The following SMG1 variants were observed in gnomAD, a reference collection of about 807,000 sequenced individuals.
SMG1 encodes SMG1 nonsense mediated mRNA decay associated PI3K related kinase.
Under a neutral mutation model 419.9 loss-of-function variants are expected in SMG1, and 22 were observed. The observed-to-expected ratio is 0.05, with a 90% CI of 0.04 to 0.07. The LOEUF (loss-of-function observed/expected upper bound fraction) is 0.07, where lower values mean the gene tolerates loss of function less well. Among genes scored for constraint, SMG1 ranks in the 10% least tolerant of loss-of-function variants. The pLI is 1.00. For missense variants in SMG1, 3,185 were observed against 4,342.0 expected (o/e 0.73, Z 7.49); for synonymous variants, 1,538 against 1,553.5 (o/e 0.99, Z 0.23).
chr16:18,909,771 G>C (rs1407203001), intron 1 of SMG1, among the ~76,000 whole-genome samples: 1 of 152,120 alleles, frequency 6.6e-6, no homozygotes, highest in Non-Finnish European at 1.5e-5. Flanking sequence ...GTAAGAACAG[G>C]AAACGATGCT....
chr16:18,868,434 C>T (rs1195377241), intron 21 of SMG1, 80 bp from the exon 22 acceptor site: 5 of 1,459,820 alleles, frequency 3.4e-6, no homozygotes, highest in African/African-American at 2.8e-5. Context: ...AAACCAAATA[C>T]ACAAGTCTAC....
At chr16:18,864,272 T>C (rs531694143) in intron 23 of SMG1, 128 bp from the exon 24 acceptor site, 195 of 750,094 alleles carry the variant, frequency 2.6e-4, no homozygotes, top group Non-Finnish European at 3.8e-4. Flanking sequence ...CTCAGCTCAA[T>C]GCAACCTCTG....
rs529758661 is a variant in SMG1, at chr16:18,877,232, T to C, written c.1519A>G (p.Ile507Val). ...IISVLNLLTL[I>V]VEQINTKLPS... ...AGTTTCGTATTTATCTGTTCAACAA[T>C]CTAAAAGAATAAAATTTTTAAAAAA... is the stretch of plus-strand genomic sequence containing the variant. The change falls in exon 12 of 63, where the codon ATT becomes GTT. Residue 507 changes from isoleucine to valine, a missense_variant and splice_region_variant. Transcript: ENST00000446231. 1.1e-5 allele frequency: 17 copies of C among 1,522,420 alleles called. No homozygotes were observed. In the South Asian group the frequency reaches 1.9e-4, roughly 17 times the overall value. 94.3% of individuals were successfully genotyped at this position (1,522,420 alleles called of 1,614,324 possible).
rs1260199211 is a variant in SMG1, at chr16:18,835,080, T to C, written c.8142A>G (p.Ala2714=). The C allele has an allele frequency of 6.2e-6, 10 of 1,613,680 alleles. No individual in the cohort carries two copies. Among genetic ancestry groups the C allele is most frequent in the Non-Finnish European group, 8.5e-6 (10 of 1,179,686 alleles). ...TAATAAGTCTGCTGTTGATGTCTGCTGCGTATCGCTGCAGGGTCATTTCAG... is the reference window on the plus strand; with the variant it reads ...TAATAAGTCTGCTGTTGATGTCTGCCGCGTATCGCTGCAGGGTCATTTCAG... The part of the protein sequence containing the change: ...TATEMTLQRY[A]ADINSRLIRQ... The change falls in exon 49 of 63, where the codon GCA becomes GCG. Residue 2714 remains alanine, a synonymous_variant. Coordinates refer to ENST00000446231, the MANE Select transcript of SMG1 (RefSeq NM_015092.5).
At position 18,863,699 on chromosome 16, in the gene SMG1, T is replaced by G. The variant is rs2035331964; in HGVS notation, c.3646A>C (p.Ser1216Arg). The G allele has an allele frequency of 6.3e-7, 1 of 1,594,422 alleles. No individual in the cohort carries two copies. Among genetic ancestry groups the G allele is most frequent in the Non-Finnish European group, 8.5e-7 (1 of 1,177,810 alleles). Residue 1216 changes from serine (S) to arginine (R), a missense_variant, in exon 25 of 63, where the codon AGT becomes CGT. Coordinates refer to ENST00000446231, the MANE Select transcript of SMG1 (RefSeq NM_015092.5). ...WQNAIHDLKK[S>R]TSSTSLNLKA... is the part of the protein sequence containing the mutation. ...AGGTTGAGGGAAGTGCTACTGGTACTCTTTTTCAAGTCATGGATAGCGTTC... is the reference window on the plus strand; with the variant it reads ...AGGTTGAGGGAAGTGCTACTGGTACGCTTTTTCAAGTCATGGATAGCGTTC...
chr16:18,839,904 G>A lies in SMG1; in HGVS notation c.6739C>T (p.Pro2247Ser). Residue 2247 changes from proline (P) to serine (S), a missense_variant, in exon 42 of 63, where the codon CCC becomes TCC. Transcript: ENST00000446231. ...YQTPQNPGIV[P>S]RPSELYYSKI... Reference sequence around the variant, plus strand: ...CTGTAATAAAGTTCACTAGGACGGGGTACAATTCCAGGATTCTGAGGAGTT... The same window carrying A: ...CTGTAATAAAGTTCACTAGGACGGGATACAATTCCAGGATTCTGAGGAGTT... 6.2e-7 allele frequency: 1 copy of A among 1,606,512 alleles called. No homozygotes were observed. Among genetic ancestry groups the A allele is most frequent in the Non-Finnish European group, 8.5e-7 (1 of 1,175,982 alleles).
At chr16:18,922,665 G>A (rs1032299745) in intron 1 of SMG1, among the ~76,000 whole-genome samples, 12 of 152,048 alleles carry the variant, frequency 7.9e-5, no homozygotes, top group African/African-American at 1.2e-4. Context: ...TAGTAGAGAC[G>A]GGGTTTCACC....
At chr16:18,912,802 A>G (rs2037842529) in intron 1 of SMG1, among the ~76,000 whole-genome samples, 2 of 152,150 alleles carry the variant, frequency 1.3e-5, no homozygotes, top group African/African-American at 2.4e-5. Flanking sequence ...AGGTCCTTCA[A>G]AAACAATATA....
chr16:18,821,221 C>CTTTTTTTTTTTTTTTTTTTATTTTTTTT (rs869238782), intron 55 of SMG1, among the ~76,000 whole-genome samples: 1 of 35,600 alleles, frequency 2.8e-5, no homozygotes, highest in South Asian at 8.4e-4. Flanking sequence ...TAGTATGTTT[C>CTTTTTTTTTTTTTTTTTTTATTTTTTTT]TTTTTTTTTT....
chr16:18,885,629 A>C lies in SMG1; in HGVS notation c.860T>G (p.Val287Gly). ...MTSLQSILEN[V>G]DTPELLCKCV... Reference sequence around the variant, plus strand: ...TTTACAAAGCAATTCTGGTGTATCCACATTTTCAAGAATAGACTGCAGGCT... The same window carrying C: ...TTTACAAAGCAATTCTGGTGTATCCCCATTTTCAAGAATAGACTGCAGGCT... Residue 287 changes from valine (V) to glycine (G), a missense_variant, in exon 7 of 63, where the codon GTG becomes GGG. By Grantham distance (109) the Val-to-Gly change is moderately radical. This residue lies in a region of SMG1 where 53 missense variants were observed against 56.3 expected (regional missense o/e 0.94). Coordinates refer to ENST00000446231, the MANE Select transcript of SMG1 (RefSeq NM_015092.5). The C allele has an allele frequency of 1.3e-6, 2 of 1,596,172 alleles. No homozygotes were observed. The highest frequency in any genetic ancestry group is 8.5e-7 in the Non-Finnish European group (1 of 1,179,546).
At position 18,868,512 on chromosome 16, in the gene SMG1, T is replaced by C. The variant is rs1158458040; in HGVS notation, c.3030+11A>G. On this transcript the variant is annotated intron_variant, in intron 21 of 62. Transcript: ENST00000446231. ...ACTGCTATAAAACAACACTATCTCA[T>C]GGAAACCAACCTTGGGAGGTGAAGT... 19 of 1,524,696 alleles carry C rather than the reference T, an allele frequency of 1.2e-5. No individual in the cohort carries two copies. The South Asian group carries it at 1.3e-4, about 11-fold the overall frequency. The allele number at this position is 1,524,696 out of a possible 1,614,324, so 94.4% of individuals were successfully genotyped here.
At chr16:18,885,763 A>G (rs1178823764) in intron 6 of SMG1, 97 bp from the exon 7 acceptor site, 6 of 1,131,292 alleles carry the variant, frequency 5.3e-6, no homozygotes, top group Admixed American at 4.1e-5. Flanking sequence ...AAAAAACTGA[A>G]TATGAGACCA....
chr16:18,873,706 C>T (rs763705851), intron 13 of SMG1, among the ~76,000 whole-genome samples: 12 of 152,358 alleles, frequency 7.9e-5, no homozygotes, highest in Middle Eastern at 3.4e-3. Flanking sequence ...GTGCCTTTTG[C>T]GGAAGTAGAC....
At chr16:18,820,983 C>A (rs940046318) in intron 55 of SMG1, among the ~76,000 whole-genome samples, 5 of 152,140 alleles carry the variant, frequency 3.3e-5, no homozygotes, top group African/African-American at 1.2e-4. Context: ...TATCCAGTCA[C>A]TATAATAGTT....
chr16:18,909,959 A>AT (rs775482815), intron 1 of SMG1, among the ~76,000 whole-genome samples: 10 of 152,166 alleles, frequency 6.6e-5, no homozygotes, highest in Non-Finnish European at 1.5e-4. Context: ...TCAGATTGAC[A>AT]TAAGTGATTT....
rs374052744 is a variant in SMG1 at position 18,889,540 on chromosome 16, A to G, written c.654T>C (p.Leu218=). 225,970 of 577,188 alleles carry G rather than the reference A, an allele frequency of 0.39. 47,154 individuals carry two copies. Among genetic ancestry groups the G allele is most frequent in the Non-Finnish European group, 0.44 (146,733 of 331,832 alleles). 35.8% of individuals were successfully genotyped at this position (577,188 alleles called of 1,614,324 possible). A position where few individuals can be genotyped will look rare whatever the true frequency, so the allele number is the denominator to read the frequency against. ...AGCTCAGAGAAGCACAAAGAAGGCC[A>G]AGACAGCAAGCTCCCTCCTGTCTCA... ...QELRQEGACC[L]GLLCASLSYE... Residue 218 remains leucine, a synonymous_variant, in exon 6 of 63, where the codon CTT becomes CTC. Transcript: ENST00000446231.
chr16:18,875,381 A>G (rs2036066588), intron 13 of SMG1: 1 of 152,522 alleles, frequency 6.6e-6, no homozygotes, highest in South Asian at 2.1e-4. Flanking sequence ...ACCTGAGGTC[A>G]GGAGTTCACA....
chr16:18,815,218 C>A lies in SMG1; in HGVS notation c.10578G>T (p.Ser3526=), dbSNP rs749536329. ...PLVTDATNEC[S]SPTSSATYQP... ...GATAAGTAGCAGATGACGTTGGACT[C>A]GAACATTCATTTGTTGCATCGGTGA... Residue 3526 remains serine (S), a synonymous_variant, in exon 60 of 63, where the codon TCG becomes TCT. Transcript: ENST00000446231. 6.3e-6 allele frequency: 10 copies of A among 1,596,346 alleles called. No individual in the cohort carries two copies. In the East Asian group the frequency reaches 2.0e-4, roughly 32 times the overall value.
chr16:18,843,708 A>G (rs1415089604), intron 39 of SMG1, among the ~76,000 whole-genome samples: 1 of 152,236 alleles, frequency 6.6e-6, no homozygotes, highest in African/African-American at 2.4e-5. Context: ...ACGTACACAC[A>G]ATATGATCTC....
Sources: gnomAD v4.1 joint callset for allele counts (sites outside exome capture counted in the v4.1 genomes callset) on GRCh38, gnomAD v4.1.1 for gene constraint, gnomAD v4.1.1 regional missense constraint, MANE v1.5 for transcripts, NCBI Gene and HGNC (gene_info 2026-07-23, HGNC 2026-07-21) for gene names.